Variants in EEPD1 observed in about 807,000 individuals in gnomAD.
EEPD1 encodes the protein endonuclease/exonuclease/phosphatase family domain containing 1.
Under a neutral mutation model 46.3 loss-of-function variants are expected in EEPD1, and 17 were observed. The observed-to-expected ratio is 0.37, with a 90% CI of 0.25 to 0.55. The LOEUF is 0.55. EEPD1 is among the 20% of genes least tolerant of loss of function. EEPD1 has a pLI of 0.83. For missense variants in EEPD1, 673 were observed against 745.6 expected, an observed-to-expected ratio of 0.90 and a Z score of 1.13; for synonymous variants, 313 against 315.6, an observed-to-expected ratio of 0.99 and a Z score of 0.09.
At chr7:36,210,715 C>T (rs1785913311) in intron 2 of EEPD1, among the ~76,000 whole-genome samples, 1 of 152,320 alleles carries the variant, frequency 6.6e-6, no homozygotes, top group East Asian at 1.9e-4. Context: ...CCCACCTGCG[C>T]ATTTGCTGCT....
At chr7:36,175,361 G>C (rs1785159713) in intron 2 of EEPD1, among the ~76,000 whole-genome samples, 1 of 152,174 alleles carries the variant, frequency 6.6e-6, no homozygotes, top group South Asian at 2.1e-4. Flanking sequence ...CTCCCGAGCA[G>C]CTGGGACCAC....
chr7:36,252,972 T>C (rs1786775220), intron 3 of EEPD1, among the ~76,000 whole-genome samples: 1 of 151,406 alleles, frequency 6.6e-6, no homozygotes, highest in South Asian at 2.1e-4. Context: ...TAATTTCTGC[T>C]CTCATCTTTA....
chr7:36,237,029 C>G (rs540334279), intron 2 of EEPD1, among the ~76,000 whole-genome samples: 40 of 152,360 alleles, frequency 2.6e-4, no homozygotes, highest in Non-Finnish European at 4.9e-4. Flanking sequence ...CTGTAACACT[C>G]ACTGCGAAGG....
At chr7:36,172,617 G>GTTTTTTTTTTT (rs70977113) in intron 2 of EEPD1, among the ~76,000 whole-genome samples, 1 of 100,124 alleles carries the variant, frequency 1.0e-5, no homozygotes, top group African/African-American at 3.9e-5. Context: ...AATATTATGA[G>GTTTTTTTTTTT]TTTTTTTTTT....
At chr7:36,197,173 C>T (rs1486582459) in intron 2 of EEPD1, among the ~76,000 whole-genome samples, 5 of 150,102 alleles carry the variant, frequency 3.3e-5, no homozygotes, top group East Asian at 2.0e-4. Context: ...CCCCTCCGCC[C>T]GGCTGCCACC....
intron 2 of EEPD1, among the ~76,000 whole-genome samples, chr7:36,155,558 G>A (rs1337540365): frequency 6.6e-6 from 1 of 152,162 alleles, no homozygotes; most frequent in Non-Finnish European, 1.5e-5. Context: ...ATGTGAGAAA[G>A]AGCTCATTGG....
At chr7:36,270,057 C>G (rs1787080371) in intron 3 of EEPD1, among the ~76,000 whole-genome samples, 1 of 152,066 alleles carries the variant, frequency 6.6e-6, no homozygotes, top group Non-Finnish European at 1.5e-5. Flanking sequence ...TTTAGAAGAG[C>G]TTATGATAAC....
intron 2 of EEPD1, among the ~76,000 whole-genome samples, chr7:36,191,795 C>G (rs147599345): frequency 2.6e-4 from 39 of 152,294 alleles, no homozygotes; most frequent in South Asian, 8.3e-4. Flanking sequence ...GCTGTCTGAT[C>G]GGACATGTTT....
At chr7:36,298,522 C>A (rs113072997) in intron 7 of EEPD1, among the ~76,000 whole-genome samples, 2 of 152,194 alleles carry the variant, frequency 1.3e-5, no homozygotes, top group Non-Finnish European at 2.9e-5. Flanking sequence ...TCTAAATCCT[C>A]GTTTTAAAAA....
At chr7:36,251,855 AT>A (rs1256573391) in intron 3 of EEPD1, among the ~76,000 whole-genome samples, 1 of 152,168 alleles carries the variant, frequency 6.6e-6, no homozygotes, top group African/African-American at 2.4e-5. Flanking sequence ...ATATGCAATG[AT>A]TTTTTGGTAA....
rs1163197208 is a variant in EEPD1 at position 36,154,701 on chromosome 7, A to G, written c.377A>G (p.His126Arg). 2 of 1,613,566 alleles carry G rather than the reference A, an allele frequency of 1.2e-6. No homozygotes were observed. Among genetic ancestry groups the G allele is most frequent in the Non-Finnish European group, 1.7e-6 (2 of 1,179,938 alleles). Residue 126 changes from histidine to arginine, a missense_variant, in exon 2 of 8, where the codon CAC becomes CGC. Physicochemically the swap from His to Arg is conservative, Grantham distance 29. Coordinates refer to ENST00000242108, the MANE Select transcript of EEPD1 (RefSeq NM_030636.3). This position sits in a 1 kb window ranked among gnomAD's most constrained non-coding sequence, Gnocchi z 4.2. The stretch of plus-strand genomic sequence containing the variant: ...CTGCTAGCGGAGCAGCAGCCTCACC[A>G]CCTGGCCACAGCTGTGCCCCTCACC... ...RDLLAEQQPH[H>R]LATAVPLTPR...
At chr7:36,234,461 C>G (rs1786392627) in intron 2 of EEPD1, among the ~76,000 whole-genome samples, 1 of 152,008 alleles carries the variant, frequency 6.6e-6, no homozygotes, top group African/African-American at 2.4e-5. Context: ...CGCTTGAGCT[C>G]AGGAGTTTGA....
intron 2 of EEPD1, among the ~76,000 whole-genome samples, chr7:36,167,032 G>A (rs1784996334): frequency 6.6e-6 from 1 of 152,090 alleles, no homozygotes; most frequent in African/African-American, 2.4e-5. Context: ...CCTTTCCCTG[G>A]TTTGCAGATG....
intron 2 of EEPD1, among the ~76,000 whole-genome samples, chr7:36,171,434 C>G (rs11762552): frequency 6.6e-6 from 1 of 152,230 alleles, no homozygotes; most frequent in African/African-American, 2.4e-5. Flanking sequence ...CAAAACAACT[C>G]CAGCAGTAAG....
At position 36,210,797 on chromosome 7, in the gene EEPD1, T is replaced by C. The variant is rs186523388; in HGVS notation, c.879-28188T>C. 3.5e-4 allele frequency among the ~76,000 whole-genome samples: 53 copies of C among 152,356 alleles called. 1 individual carries two copies. The highest frequency in any genetic ancestry group is 4.9e-4 in the Non-Finnish European group (33 of 68,028). On this transcript the variant is annotated intron_variant, in intron 2 of 7. Coordinates refer to ENST00000242108, the MANE Select transcript of EEPD1 (RefSeq NM_030636.3). Reference sequence around the variant, plus strand: ...GATGTTCTTGTGGCCTCTGCTCAAATGGCTTCTCCAGGAAGCCTTCCCTGA... The same window carrying C: ...GATGTTCTTGTGGCCTCTGCTCAAACGGCTTCTCCAGGAAGCCTTCCCTGA...
intron 2 of EEPD1, among the ~76,000 whole-genome samples, chr7:36,189,014 GT>G (rs1334578148): frequency 2.0e-5 from 3 of 152,192 alleles, no homozygotes; most frequent in African/African-American, 7.2e-5. Context: ...TCATTCGTGG[GT>G]TCAATTTGAC....
chr7:36,292,173 C>T (rs196604), intron 6 of EEPD1, among the ~76,000 whole-genome samples: 39,616 of 151,932 alleles, frequency 0.26, 5,369 homozygotes, highest in East Asian at 0.39. Context: ...GCGCTTCTGG[C>T]GGCTCCTCTA....
intron 3 of EEPD1, among the ~76,000 whole-genome samples, chr7:36,255,376 A>T (rs987590586): frequency 3.9e-5 from 6 of 152,194 alleles, no homozygotes; most frequent in African/African-American, 1.4e-4. Context: ...TTTTTCCAAC[A>T]CCATTTATTA....
intron 3 of EEPD1, among the ~76,000 whole-genome samples, chr7:36,264,938 T>C (rs1195881785): frequency 1.3e-5 from 2 of 150,944 alleles, no homozygotes; most frequent in African/African-American, 4.9e-5. Context: ...AAAATCTGTG[T>C]GATTTGCCTT....
Sources: gnomAD v4.1 joint callset for allele counts (sites outside exome capture counted in the v4.1 genomes callset) on GRCh38, gnomAD v4.1.1 for gene constraint, Gnocchi (gnomAD v3.1) non-coding constraint, MANE v1.5 for transcripts, NCBI Gene and HGNC (gene_info 2026-07-23, HGNC 2026-07-21) for gene names.